TTN: variants seen among roughly 807,000 people sequenced by gnomAD.
TTN encodes connectin.
TTN carries 1,525 observed loss-of-function variants against 3,223.0 expected under a neutral mutation model. The ratio of observed to expected loss-of-function variants is 0.47; its 90% CI spans 0.45 to 0.49. TTN has a LOEUF of 0.49. TTN is among the 20% of genes least tolerant of loss of function. The probability of loss-of-function intolerance (pLI) is 0.00; values close to 1 mark genes in which losing one functional copy is unlikely to be tolerated. For synonymous variants in TTN, 14,094 were observed against 15,161.0 expected, an observed-to-expected ratio of 0.93 and a Z score of 5.17; for missense variants, 40,786 against 43,424.0, an observed-to-expected ratio of 0.94 and a Z score of 5.40.
At chr2:178,713,503 G>A in intron 92 of TTN, 131 bp from the exon 93 acceptor site, 1 of 1,365,226 alleles carries the variant, frequency 7.3e-7, no homozygotes. Context: ...TTTTGTGACG[G>A]TATTAAAAAC....
chr2:178,559,423 G>T lies in TTN; in HGVS notation c.86709C>A (p.Ser28903=). ...VSVTNNCNRL[S]YKVTNLQEGA... is the part of the protein sequence containing the mutation. Reference sequence around the variant, plus strand: ...CTTCTTGTAAATTGGTAACTTTGTAGGAGAGGCGGTTACAGTTGTTGGTCA... The same window carrying T: ...CTTCTTGTAAATTGGTAACTTTGTATGAGAGGCGGTTACAGTTGTTGGTCA... The change falls in exon 326 of 363, where the codon TCC becomes TCA. Residue 28903 remains serine, a synonymous_variant. Transcript: ENST00000589042. 2 of 1,613,748 alleles carry T rather than the reference G, an allele frequency of 1.2e-6. No individual in the cohort carries two copies. Among genetic ancestry groups the T allele is most frequent in the Non-Finnish European group, 1.7e-6 (2 of 1,179,728 alleles).
Position 178,722,908 on chromosome 2 carries a change from G to T in TTN, c.21991C>A (p.Pro7331Thr), listed in dbSNP as rs2078660887. The T allele has an allele frequency of 6.2e-7, 1 of 1,611,878 alleles. No homozygotes were observed. Among genetic ancestry groups the T allele is most frequent in the Admixed American group, 1.7e-5 (1 of 59,796 alleles). The part of the protein sequence containing the change: ...EPPYFVTELE[P>T]LEAAVGDSVS... Reference sequence around the variant, plus strand: ...GAATCTCCAACTGCTGCCTCCAGAGGTTCCAGTTCCGTAACAAAATAAGGC... The same window carrying T: ...GAATCTCCAACTGCTGCCTCCAGAGTTTCCAGTTCCGTAACAAAATAAGGC... The change falls in exon 76 of 363, where the codon CCT becomes ACT. Residue 7331 changes from proline (P) to threonine (T), a missense_variant. By Grantham distance (38) the Pro-to-Thr change is conservative. Coordinates refer to ENST00000589042, the MANE Select transcript of TTN (RefSeq NM_001267550.2).
Position 178,533,990 on chromosome 2 carries a change from A to G in TTN, c.102625T>C (p.Cys34209Arg). 6.2e-7 allele frequency: 1 copy of G among 1,613,968 alleles called. No individual in the cohort carries two copies. The highest frequency in any genetic ancestry group is 8.5e-7 in the Non-Finnish European group (1 of 1,179,872). ...TCACCATAGTCATTGACTACTTTGC[A>G]TCTGTAGGTACCATCATCTAATTTG... is the stretch of plus-strand genomic sequence containing the variant. ...ITKLDDGTYR[C>R]KVVNDYGEDS... Residue 34209 changes from cysteine (C) to arginine (R), a missense_variant, in exon 358 of 363, where the codon TGC becomes CGC. Physicochemically the swap from Cys to Arg is radical, Grantham distance 180 (BLOSUM62 -3). Coordinates refer to ENST00000589042, the MANE Select transcript of TTN (RefSeq NM_001267550.2).
At chr2:178,674,084 A>G (rs1470850826) in intron 151 of TTN, among the ~76,000 whole-genome samples, 1 of 151,806 alleles carries the variant, frequency 6.6e-6, no homozygotes. Flanking sequence ...AAAAAAATTC[A>G]ATCGCCAATA....
At chr2:178,749,129 G>C (rs1270455007) in intron 47 of TTN, 3 of 1,612,686 alleles carry the variant, frequency 1.9e-6, no homozygotes, top group Middle Eastern at 3.3e-4. Context: ...AATTCTCTCA[G>C]AGTGAATATT....
At chr2:178,616,025 T>C (rs1437123303) in intron 257 of TTN, among the ~76,000 whole-genome samples, 3 of 151,984 alleles carry the variant, frequency 2.0e-5, no homozygotes, top group African/African-American at 7.2e-5. Context: ...AATGAGGTGT[T>C]GATTCTACCA....
chr2:178,635,597 T>A lies in TTN; in HGVS notation c.41727A>T (p.Gly13909=). 1 of 1,593,774 alleles carries A rather than the reference T, an allele frequency of 6.3e-7. No homozygotes were observed. Among genetic ancestry groups the A allele is most frequent in the East Asian group, 2.3e-5 (1 of 44,214 alleles). Reference sequence around the variant, plus strand: ...TTGGTTCCGCAGGGATTTCATCATATCCTTTGAACCACTTAATGTTTGGAG... The same window carrying A: ...TTGGTTCCGCAGGGATTTCATCATAACCTTTGAACCACTTAATGTTTGGAG... ...KDTPNIKWFK[G]YDEIPAEPND... is the part of the protein sequence containing the mutation. The change falls in exon 227 of 363, where the codon GGA becomes GGT. Residue 13909 remains glycine, a synonymous_variant. Transcript: ENST00000589042.
At chr2:178,550,685 C>G (rs1389368275) in intron 336 of TTN, 5 of 450,630 alleles carry the variant, frequency 1.1e-5, no homozygotes, top group Non-Finnish European at 1.6e-5. Flanking sequence ...TCTCGAGAAC[C>G]TTTTCTTTAT....
Position 178,576,878 on chromosome 2 carries a change from T to C in TTN, c.69412+45A>G. 6.2e-7 allele frequency: 1 copy of C among 1,603,182 alleles called. No individual in the cohort carries two copies. The highest frequency in any genetic ancestry group is 1.1e-5 in the South Asian group (1 of 88,538). On this transcript the variant is annotated intron_variant, in intron 324 of 362. Coordinates refer to ENST00000589042, the MANE Select transcript of TTN (RefSeq NM_001267550.2). This position sits in a 1 kb window ranked among gnomAD's most constrained non-coding sequence, Gnocchi z 4.3. Reference sequence around the variant, plus strand: ...TAGAAATCCATGATTTCCTAAACTCTGCTATAAATGTTTCCATGTCAATTC... The same window carrying C: ...TAGAAATCCATGATTTCCTAAACTCCGCTATAAATGTTTCCATGTCAATTC...
At position 178,729,499 on chromosome 2, in the gene TTN, C is replaced by A. The variant is rs1282711943; in HGVS notation, c.18657G>T (p.Glu6219Asp). The change falls in exon 64 of 363, where the codon GAG becomes GAT. Residue 6219 changes from glutamate (E) to aspartate (D), a missense_variant. Physicochemically the swap from Glu to Asp is conservative, Grantham distance 45. Coordinates refer to ENST00000589042, the MANE Select transcript of TTN (RefSeq NM_001267550.2). ...ACGGAGGTGTTCCCGTAACTTCACA[C>A]TCCAGCTCCACGTCACTATATTTTA... is the stretch of plus-strand genomic sequence containing the variant. The part of the protein sequence containing the change: ...EVVKYSDVEL[E>D]CEVTGTPPFE... 1 of 1,613,630 alleles carries A rather than the reference C, an allele frequency of 6.2e-7. No homozygotes were observed. Among genetic ancestry groups the A allele is most frequent in the East Asian group, 2.2e-5 (1 of 44,858 alleles).
Position 178,644,533 on chromosome 2 carries a change from C to A in TTN, c.40477+15G>T. On this transcript the variant is annotated intron_variant, in intron 218 of 362. Transcript: ENST00000589042. ...GGGTACTACATAAGTATGTATTTTT[C>A]AGCCTGTGAAATACCTTTCAGAGGT... 1 of 1,561,698 alleles carries A rather than the reference C, an allele frequency of 6.4e-7. No individual in the cohort carries two copies.
intron 47 of TTN, chr2:178,744,679 A>C (rs2083134740): frequency 1.0e-6 from 1 of 973,082 alleles, no homozygotes; most frequent in African/African-American, 1.8e-5. Flanking sequence ...TCAATTCTAA[A>C]AATATCCCAC....
Position 178,766,536 on chromosome 2 carries a change from C to T in TTN, c.9548G>A (p.Gly3183Asp), listed in dbSNP as rs772678867. 6 of 1,614,044 alleles carry T rather than the reference C, an allele frequency of 3.7e-6. No individual in the cohort carries two copies. The highest frequency in any genetic ancestry group is 2.2e-5 in the East Asian group (1 of 44,852). Residue 3183 changes from glycine to aspartate, a missense_variant, in exon 41 of 363, where the codon GGC (glycine) becomes GAC (aspartate). Coordinates refer to ENST00000589042, the MANE Select transcript of TTN (RefSeq NM_001267550.2). ...DDVDAHWYKD[G>D]IEINFQVQER... Reference sequence around the variant, plus strand: ...TTGAACTTGGAAATTGATTTCAATGCCATCTTTATACCAGTGGGCATCAAC... The same window carrying T: ...TTGAACTTGGAAATTGATTTCAATGTCATCTTTATACCAGTGGGCATCAAC...
chr2:178,663,571 T>C, intron 171 of TTN, 55 bp from the exon 172 acceptor site: 1 of 1,613,170 alleles, frequency 6.2e-7, no homozygotes, highest in Non-Finnish European at 8.5e-7. Context: ...ACTAGAAAAA[T>C]ATTTTCCAGA....
chr2:178,640,936 A>T (rs1312020307), intron 220 of TTN, among the ~76,000 whole-genome samples: 1 of 151,924 alleles, frequency 6.6e-6, no homozygotes, highest in Non-Finnish European at 1.5e-5. Context: ...AAGCCCCCAG[A>T]TTATGAAACC....
chr2:178,538,902 A>G (rs1247421349), intron 353 of TTN, 44 bp downstream of exon 353: 3 of 1,582,884 alleles, frequency 1.9e-6, no homozygotes, highest in Non-Finnish European at 2.6e-6. Flanking sequence ...AGGACCAAAC[A>G]TGGCTTGCTT....
chr2:178,672,296 T>A, intron 154 of TTN, 29 bp from the exon 155 acceptor site: 1 of 1,602,144 alleles, frequency 6.2e-7, no homozygotes, highest in Non-Finnish European at 8.5e-7. Flanking sequence ...TAAGACTTAT[T>A]TTTTTAAACA....
Position 178,545,554 on chromosome 2 carries a change from C to T in TTN, c.95556G>A (p.Leu31852=), listed in dbSNP as rs1335861018. The part of the protein sequence containing the change: ...YLVDKREKKS[L]RWTRVNKDYV... ...AGTCTTTGTTGACACGTGTCCAGCG[C>T]AGGCTCTTCTTCTCACGTTTGTCTA... Residue 31852 remains leucine, a synonymous_variant, in exon 344 of 363, where the codon CTG becomes CTA. Transcript: ENST00000589042. 1.2e-6 allele frequency: 2 copies of T among 1,613,650 alleles called. No individual in the cohort carries two copies. The highest frequency in any genetic ancestry group is 1.7e-6 in the Non-Finnish European group (2 of 1,179,726).
intron 79 of TTN, 76 bp downstream of exon 79, chr2:178,720,845 A>C: frequency 6.8e-7 from 1 of 1,477,548 alleles, no homozygotes; most frequent in Non-Finnish European, 9.0e-7. Flanking sequence ...TTATCCTTTT[A>C]TTTTGGAACT....
Sources: gnomAD v4.1 joint callset for allele counts (sites outside exome capture counted in the v4.1 genomes callset) on GRCh38, gnomAD v4.1.1 for gene constraint, Gnocchi (gnomAD v3.1) non-coding constraint, MANE v1.5 for transcripts, NCBI Gene and HGNC (gene_info 2026-07-23, HGNC 2026-07-21) for gene names.